TAPT1: variants seen among roughly 807,000 people sequenced by gnomAD.
TAPT1 encodes transmembrane anterior posterior transformation 1, also known as transmembrane anterior posterior transformation protein 1 homolog.
TAPT1 carries 28 observed loss-of-function variants against 65.6 expected under a neutral mutation model. The observed-to-expected ratio is 0.43, with a 90% CI of 0.32 to 0.59. The LOEUF (loss-of-function observed/expected upper bound fraction) is 0.59, where lower values mean the gene tolerates loss of function less well. TAPT1 is among the 20% of genes least tolerant of loss of function. The pLI is 0.09. For missense variants in TAPT1, 563 were observed against 679.9 expected, an observed-to-expected ratio of 0.83 and a Z score of 1.91; for synonymous variants, 278 against 245.2, an observed-to-expected ratio of 1.13 and a Z score of -1.25.
chr4:16,198,876 T>C (rs1038102366), intron 3 of TAPT1, among the ~76,000 whole-genome samples: 3 of 152,234 alleles, frequency 2.0e-5, no homozygotes, highest in African/African-American at 7.2e-5. Flanking sequence ...TAGCTTTGTT[T>C]ATGTAACTTT....
chr4:16,189,967 T>C lies in TAPT1; in HGVS notation c.612+1394A>G, dbSNP rs1182045467. 2.0e-5 allele frequency: 3 copies of C among 152,418 alleles called. No individual in the cohort carries two copies. The East Asian group carries it at 5.8e-4, about 29-fold the overall frequency. 9.4% of individuals were successfully genotyped at this position (152,418 alleles called of 1,614,324 possible). On this transcript the variant is annotated intron_variant, in intron 4 of 13. Transcript: ENST00000405303. ...GGAACAGGGAATGAGGCCTAGGCTCTTTCTATGAGAAGGAAGGGAGAACAA... is the reference window on the plus strand; with the variant it reads ...GGAACAGGGAATGAGGCCTAGGCTCCTTCTATGAGAAGGAAGGGAGAACAA...
intron 11 of TAPT1, among the ~76,000 whole-genome samples, chr4:16,173,711 T>C (rs1352738077): frequency 6.6e-6 from 1 of 152,260 alleles, no homozygotes; most frequent in African/African-American, 2.4e-5. Flanking sequence ...TTTTTATTAT[T>C]ACAAATGTCA....
At chr4:16,213,688 G>A in intron 2 of TAPT1, 80 bp downstream of exon 2, 1 of 1,246,388 alleles carries the variant, frequency 8.0e-7, no homozygotes, top group Non-Finnish European at 1.1e-6. Flanking sequence ...CTCAACTCTA[G>A]CTGTTGACCA....
Position 16,162,080 on chromosome 4 carries a change from T to A in TAPT1, c.*1228A>T, listed in dbSNP as rs914171718. On this transcript the variant is annotated 3_prime_UTR_variant, in exon 14 of 14. Transcript: ENST00000405303. Reference sequence around the variant, plus strand: ...GCGGAAACACAATCTTCATCTCAAATAAAACCAAAAAGCACCTTTTGGTTG... The same window carrying A: ...GCGGAAACACAATCTTCATCTCAAAAAAAACCAAAAAGCACCTTTTGGTTG... 3 of 152,264 alleles carry A rather than the reference T, an allele frequency of 2.0e-5. No individual in the cohort carries two copies. The highest frequency in any genetic ancestry group is 4.4e-5 in the Non-Finnish European group (3 of 68,024). The allele number at this position is 152,264 out of a possible 1,614,324, so 9.4% of individuals were successfully genotyped here.
Position 16,191,378 on chromosome 4 carries a change from T to C in TAPT1, c.595A>G (p.Ile199Val). 6.2e-7 allele frequency: 1 copy of C among 1,602,034 alleles called. No individual in the cohort carries two copies. Among genetic ancestry groups the C allele is most frequent in the Non-Finnish European group, 8.5e-7 (1 of 1,174,320 alleles). The change falls in exon 4 of 14, where the codon ATC becomes GTC. Residue 199 changes from isoleucine (I) to valine (V), a missense_variant. Around this residue, in one of 5 missense-constraint regions of TAPT1, gnomAD observed 217 missense variants for 317.5 expected, o/e 0.68. Coordinates refer to ENST00000405303, the MANE Select transcript of TAPT1 (RefSeq NM_153365.3). ...RGQSVIKLYI[I>V]YNMLEVADRL... ...GCCCTTACCTCCAGCATGTTGTAGATGATGTAGAGCTTGATGACGGACTGC... is the reference window on the plus strand; with the variant it reads ...GCCCTTACCTCCAGCATGTTGTAGACGATGTAGAGCTTGATGACGGACTGC...
chr4:16,171,019 A>T (rs1747958200), intron 11 of TAPT1, among the ~76,000 whole-genome samples: 1 of 152,242 alleles, frequency 6.6e-6, no homozygotes. Context: ...CCCTATACTT[A>T]GGTCATGAAT....
At chr4:16,171,302 T>C (rs1390572809) in intron 11 of TAPT1, among the ~76,000 whole-genome samples, 2 of 152,212 alleles carry the variant, frequency 1.3e-5, no homozygotes, top group East Asian at 1.9e-4. Context: ...TAATTAAACA[T>C]TGAAACAGTT....
At chr4:16,226,945 C>G (rs978041376), upstream of TAPT1, 3 of 399,678 alleles carry the variant, frequency 7.5e-6, no homozygotes, top group African/African-American at 4.4e-5. Context: ...GACTCGGTGC[C>G]CGGAGTGCGC....
At chr4:16,205,008 TATC>T (rs1750258307) in intron 2 of TAPT1, among the ~76,000 whole-genome samples, 2 of 152,206 alleles carry the variant, frequency 1.3e-5, no homozygotes, top group Non-Finnish European at 1.5e-5. Context: ...AACCTGCTCT[TATC>T]ATATTTATTT....
At chr4:16,208,018 A>T (rs1315788542) in intron 2 of TAPT1, among the ~76,000 whole-genome samples, 1 of 152,252 alleles carries the variant, frequency 6.6e-6, no homozygotes, top group Non-Finnish European at 1.5e-5. Flanking sequence ...GCTTACATGA[A>T]CATATATAAA....
At chr4:16,173,704 T>G (rs1748151229) in intron 11 of TAPT1, among the ~76,000 whole-genome samples, 1 of 152,240 alleles carries the variant, frequency 6.6e-6, no homozygotes, top group Non-Finnish European at 1.5e-5. Flanking sequence ...TTCTAACTTT[T>G]TATTATTACA....
At chr4:16,224,896 T>A (rs1211792911) in intron 1 of TAPT1, among the ~76,000 whole-genome samples, 6 of 152,202 alleles carry the variant, frequency 3.9e-5, no homozygotes, top group Non-Finnish European at 8.8e-5. Context: ...TTTAAAATGG[T>A]GGCTTTCCTG....
At chr4:16,201,528 A>G (rs1192048227) in intron 3 of TAPT1, among the ~76,000 whole-genome samples, 1 of 152,204 alleles carries the variant, frequency 6.6e-6, no homozygotes, top group Non-Finnish European at 1.5e-5. Flanking sequence ...TAAGAACTCA[A>G]TAAAAATGCT....
chr4:16,168,117 TTTC>T (rs1747756229), intron 12 of TAPT1, among the ~76,000 whole-genome samples: 1 of 114,662 alleles, frequency 8.7e-6, no homozygotes, highest in Admixed American at 7.7e-5. Context: ...AGAAGTTGGT[TTTC>T]TTTTTTTTTT....
chr4:16,171,997 C>T (rs866645060), intron 11 of TAPT1, among the ~76,000 whole-genome samples: 6 of 152,024 alleles, frequency 3.9e-5, no homozygotes, highest in Admixed American at 2.0e-4. Flanking sequence ...ACAGAGGCCT[C>T]GATGTATTTC....
intron 4 of TAPT1, chr4:16,191,056 C>T (rs912213061): frequency 1.6e-5 from 4 of 250,800 alleles, no homozygotes; most frequent in Admixed American, 1.0e-4. Context: ...AATGTCTGGG[C>T]AGCAAGAATC....
At chr4:16,205,463 C>T (rs1378653884) in intron 2 of TAPT1, among the ~76,000 whole-genome samples, 1 of 152,168 alleles carries the variant, frequency 6.6e-6, no homozygotes, top group African/African-American at 2.4e-5. Context: ...TTGCTTAATA[C>T]TGCACTGGGA....
intron 7 of TAPT1, among the ~76,000 whole-genome samples, chr4:16,184,690 T>C (rs975989474): frequency 1.3e-5 from 2 of 152,216 alleles, no homozygotes; most frequent in African/African-American, 2.4e-5. Context: ...ATTATGGCTT[T>C]GTCTTTCTCC....
At chr4:16,196,821 C>T (rs1028114257) in intron 3 of TAPT1, 16 of 525,704 alleles carry the variant, frequency 3.0e-5, no homozygotes, top group East Asian at 6.8e-5. Flanking sequence ...CCTGGTGTTA[C>T]GAAGACTTTC....
Sources: gnomAD v4.1 joint callset for allele counts (sites outside exome capture counted in the v4.1 genomes callset) on GRCh38, gnomAD v4.1.1 for gene constraint, gnomAD v4.1.1 regional missense constraint, MANE v1.5 for transcripts, NCBI Gene and HGNC (gene_info 2026-07-23, HGNC 2026-07-21) for gene names.